Variants in ZSWIM7 observed in about 807,000 individuals in gnomAD.
The protein encoded by ZSWIM7 is zinc finger SWIM domain-containing protein 7.
In ZSWIM7, 22 loss-of-function variants were observed where a neutral mutation model predicts 21.1. The observed-to-expected ratio is 1.04, with a 90% CI of 0.74 to 1.49. The LOEUF is 1.49. ZSWIM7 is among the 40% of genes most tolerant of loss of function. ZSWIM7 has a pLI of 0.00. For synonymous variants in ZSWIM7, 67 were observed against 66.5 expected (o/e 1.01, Z -0.04); for missense variants, 193 against 168.0 (o/e 1.15, Z -0.82).
intron 4 of ZSWIM7, among the ~76,000 whole-genome samples, 175 bp downstream of exon 4, chr17:15,980,865 T>C (rs564897165): frequency 2.6e-5 from 4 of 152,314 alleles, no homozygotes; most frequent in Admixed American, 2.6e-4. Flanking sequence ...AAAAATGACA[T>C]TGCATTTTGA....
intron 3 of ZSWIM7, among the ~76,000 whole-genome samples, chr17:15,983,977 A>G (rs564747334): frequency 6.6e-6 from 1 of 152,182 alleles, no homozygotes; most frequent in East Asian, 1.9e-4. Context: ...TCTAGATTTA[A>G]ACTTAAGCAA....
chr17:15,987,153 G>T, intron 3 of ZSWIM7, 113 bp downstream of exon 3: 1 of 794,574 alleles, frequency 1.3e-6, no homozygotes. Context: ...TGGGGCAAAA[G>T]CCTTTTAACA....
intron 3 of ZSWIM7, among the ~76,000 whole-genome samples, chr17:15,985,444 AC>A (rs1409348376): frequency 6.6e-6 from 1 of 152,170 alleles, no homozygotes; most frequent in Non-Finnish European, 1.5e-5. Context: ...TGAAAAGATA[AC>A]TAGCTGGGCA....
intron 3 of ZSWIM7, 140 bp downstream of exon 3, chr17:15,987,126 C>T (rs570410763): frequency 2.6e-5 from 15 of 570,930 alleles, no homozygotes; most frequent in South Asian, 1.8e-4. Context: ...ATTATCAATT[C>T]GTTAATTTTA....
In ZSWIM7 at chr17:15,999,513, C is replaced by T. The variant is rs755585714; in HGVS notation, c.76+6G>A. The T allele has an allele frequency of 1.9e-6, 3 of 1,599,008 alleles. No individual in the cohort carries two copies. The highest frequency in any genetic ancestry group is 2.5e-6 in the Non-Finnish European group (3 of 1,178,048). ...GGCGCAGCCACACACGACCTCGGTCCCGTACTTCGCGCGCTCTCCTGCACC... is the reference window on the plus strand; with the variant it reads ...GGCGCAGCCACACACGACCTCGGTCTCGTACTTCGCGCGCTCTCCTGCACC... On this transcript the variant is annotated splice_donor_region_variant and intron_variant, in intron 1 of 4. Transcript: ENST00000399277.
intron 1 of ZSWIM7, among the ~76,000 whole-genome samples, chr17:15,997,943 A>C (rs1410613319): frequency 1.3e-5 from 2 of 152,208 alleles, no homozygotes; most frequent in Non-Finnish European, 2.9e-5. Context: ...TCTTCTAAAA[A>C]TACACAAATT....
At chr17:15,979,819 ACGGGGGGC>A (rs1567788931) in intron 4 of ZSWIM7, among the ~76,000 whole-genome samples, 10 of 94,602 alleles carry the variant, frequency 1.1e-4, no homozygotes, top group African/African-American at 3.9e-4. Context: ...TCCCTCCCGG[ACGGGGGGC>A]TGACCCCCCC....
At chr17:15,998,643 G>A (rs1189147303) in intron 1 of ZSWIM7, among the ~76,000 whole-genome samples, 1 of 152,004 alleles carries the variant, frequency 6.6e-6, no homozygotes, top group Admixed American at 6.5e-5. Context: ...TGATTTTGGT[G>A]AGCATAGCCA....
chr17:15,985,846 T>A (rs189982040), intron 3 of ZSWIM7, among the ~76,000 whole-genome samples: 2 of 152,216 alleles, frequency 1.3e-5, no homozygotes, highest in Admixed American at 1.3e-4. Flanking sequence ...AACTTGAAGG[T>A]CCCTCTAGTT....
intron 2 of ZSWIM7, among the ~76,000 whole-genome samples, chr17:15,987,884 A>G (rs1348125588): frequency 6.6e-6 from 1 of 152,128 alleles, no homozygotes; most frequent in Non-Finnish European, 1.5e-5. Context: ...TGCTGGGATT[A>G]CAGGTGTGAG....
intron 3 of ZSWIM7, 26 bp downstream of exon 3, chr17:15,987,240 G>T: frequency 6.4e-7 from 1 of 1,574,050 alleles, no homozygotes; most frequent in Middle Eastern, 1.7e-4. Context: ...TTTCTGTAGG[G>T]ATCACCCCCA....
intron 4 of ZSWIM7, among the ~76,000 whole-genome samples, chr17:15,978,889 T>A (rs1970310508): frequency 2.0e-5 from 3 of 151,778 alleles, no homozygotes; most frequent in Admixed American, 2.0e-4. Flanking sequence ...ATCTGACAGC[T>A]CCCTAGGAAG....
intron 1 of ZSWIM7, among the ~76,000 whole-genome samples, chr17:15,997,645 T>C (rs948524940): frequency 2.0e-5 from 3 of 152,058 alleles, no homozygotes; most frequent in African/African-American, 4.8e-5. Context: ...TAACTATATA[T>C]TAATAGAAAA....
At chr17:15,987,138 C>T in intron 3 of ZSWIM7, 128 bp downstream of exon 3, 3 of 636,716 alleles carry the variant, frequency 4.7e-6, no homozygotes, top group Non-Finnish European at 4.9e-6. Context: ...TTAATTTTAC[C>T]AAGTTGGGGC....
At chr17:15,986,336 G>A (rs1219216105) in intron 3 of ZSWIM7, among the ~76,000 whole-genome samples, 2 of 151,426 alleles carry the variant, frequency 1.3e-5, no homozygotes, top group Non-Finnish European at 2.9e-5. Flanking sequence ...GAGCCACCAC[G>A]CCTGGCCATC....
In ZSWIM7 at chr17:15,978,181, C is replaced by T; in HGVS notation, c.307-18G>A. ...TGCTTGCACTGGAATATAAAACACA[C>T]ACACCTATTAGAAACAGGCAGGGCC... On this transcript the variant is annotated intron_variant, in intron 4 of 4. Transcript: ENST00000399277. 4 of 1,592,558 alleles carry T rather than the reference C, an allele frequency of 2.5e-6. No homozygotes were observed. The highest frequency in any genetic ancestry group is 2.2e-5 in the East Asian group (1 of 44,768).
At chr17:15,979,753 C>G (rs556890310) in intron 4 of ZSWIM7, among the ~76,000 whole-genome samples, 1 of 135,684 alleles carries the variant, frequency 7.4e-6, no homozygotes, top group Admixed American at 7.1e-5. Context: ...TGGGCAGAGG[C>G]GCCCCTCACC....
At chr17:15,987,453 AT>A in intron 2 of ZSWIM7, 85 bp from the exon 3 acceptor site, 1 of 1,146,130 alleles carries the variant, frequency 8.7e-7, no homozygotes, top group Non-Finnish European at 1.2e-6. Context: ...TAGACTTAGT[AT>A]TTTTTAAAAA....
In ZSWIM7 at chr17:15,977,858, A is replaced by G. The variant is rs1257909043; in HGVS notation, c.*189T>C. On this transcript the variant is annotated 3_prime_UTR_variant, in exon 5 of 5. Transcript: ENST00000399277. ...TTGACAAGACTGTACAGGGCTTCTCATCATACACAAACCCTCCACAGCCCA... is the reference window on the plus strand; with the variant it reads ...TTGACAAGACTGTACAGGGCTTCTCGTCATACACAAACCCTCCACAGCCCA... The G allele has an allele frequency of 1.8e-6, 1 of 555,894 alleles. No homozygotes were observed. Among genetic ancestry groups the G allele is most frequent in the East Asian group, 3.0e-5 (1 of 32,858 alleles). The allele number at this position is 555,894 out of a possible 1,614,324, so 34.4% of individuals were successfully genotyped here.
Sources: allele counts gnomAD v4.1 joint callset (sites outside exome capture counted in the v4.1 genomes callset), GRCh38; gene constraint gnomAD v4.1.1; transcripts MANE v1.5; gene names NCBI Gene and HGNC (gene_info 2026-07-23, HGNC 2026-07-21).